CTNNA3: variants seen among roughly 807,000 people sequenced by gnomAD.
CTNNA3 encodes the protein catenin alpha-3.
CTNNA3 carries 76 observed loss-of-function variants against 95.7 expected under a neutral mutation model. The ratio of observed to expected loss-of-function variants is 0.79; its 90% CI spans 0.66 to 0.96. The LOEUF is 0.96. Among genes scored for constraint, CTNNA3 ranks in the 40% least tolerant of loss-of-function variants. CTNNA3 has a pLI of 0.00. For missense variants in CTNNA3, 1,191 were observed against 1,089.8 expected (o/e 1.09, Z -1.31); for synonymous variants, 431 against 374.4 (o/e 1.15, Z -1.74).
At chr10:67,684,951 T>C (rs1840701817) in intron 1 of CTNNA3, among the ~76,000 whole-genome samples, 1 of 152,204 alleles carries the variant, frequency 6.6e-6, no homozygotes, top group Admixed American at 6.5e-5. Flanking sequence ...CATCTTGTAC[T>C]ATCCCTGACT....
At position 66,926,946 on chromosome 10, in the gene CTNNA3, C is replaced by T. The variant is rs763055807; in HGVS notation, c.1048-151422G>A. ...GTTTCAATGTAATTAGGCTACTGAG[C>T]GGATCAGCTGTAGCACTGGTTATAG... On this transcript the variant is annotated intron_variant, in intron 7 of 17. Coordinates refer to ENST00000433211, the MANE Select transcript of CTNNA3 (RefSeq NM_013266.4). 1.8e-5 allele frequency: 28 copies of T among 1,599,374 alleles called. No homozygotes were observed. The South Asian group carries it at 2.4e-4, about 14-fold the overall frequency.
rs1191269853 is a variant in CTNNA3, at chr10:67,623,978, C to T, written c.100-16929G>A. On this transcript the variant is annotated intron_variant, in intron 2 of 17. Transcript: ENST00000433211. Reference sequence around the variant, plus strand: ...ATTAGATTACAGGCATGCACCACCACGCCTGGCTAATTTTTTGTATTTTTA... The same window carrying T: ...ATTAGATTACAGGCATGCACCACCATGCCTGGCTAATTTTTTGTATTTTTA... Among the ~76,000 whole-genome samples, 5 of 152,070 alleles carry T rather than the reference C, an allele frequency of 3.3e-5. No individual in the cohort carries two copies. In the South Asian group the frequency reaches 8.3e-4, roughly 25 times the overall value.
chr10:65,964,459 G>T, intron 17 of CTNNA3, among the ~76,000 whole-genome samples: 1 of 152,020 alleles, frequency 6.6e-6, no homozygotes, highest in East Asian at 1.9e-4. Context: ...ATTCTAAATA[G>T]CTCCTGCCTA....
intron 12 of CTNNA3, among the ~76,000 whole-genome samples, chr10:66,295,949 T>C (rs991792044): frequency 1.3e-5 from 2 of 152,224 alleles, no homozygotes; most frequent in East Asian, 3.8e-4. Flanking sequence ...AATAACACTT[T>C]TTAGTATTGG....
chr10:66,541,833 T>C lies in CTNNA3; in HGVS notation c.1375-21060A>G, dbSNP rs953022633. ...CTATTAAATAGCTGTTAAAGACTAA[T>C]TTAAGAAACTTCCATATGTCTGTAA... On this transcript the variant is annotated intron_variant, in intron 10 of 17. Transcript: ENST00000433211. Among the ~76,000 whole-genome samples, 49 of 152,156 alleles carry C rather than the reference T, an allele frequency of 3.2e-4. 1 individual carries two copies. The highest frequency in any genetic ancestry group is 1.6e-4 in the Non-Finnish European group (11 of 68,024).
intron 13 of CTNNA3, among the ~76,000 whole-genome samples, chr10:66,247,345 C>T (rs2090374809): frequency 6.6e-6 from 1 of 152,036 alleles, no homozygotes; most frequent in Admixed American, 6.6e-5. Context: ...GCTGGACCTG[C>T]CTGGGGTTTA....
intron 10 of CTNNA3, among the ~76,000 whole-genome samples, chr10:66,530,508 C>G: frequency 6.6e-6 from 1 of 152,100 alleles, no homozygotes; most frequent in East Asian, 1.9e-4. Context: ...TTTACCTGCT[C>G]TCATACTATA....
intron 11 of CTNNA3, among the ~76,000 whole-genome samples, chr10:66,493,238 A>G (rs917987954): frequency 1.4e-4 from 22 of 152,308 alleles, no homozygotes; most frequent in Admixed American, 4.6e-4. Context: ...TTCTTCTTCA[A>G]TTAATAATAA....
chr10:66,435,981 G>A lies in CTNNA3; in HGVS notation c.1532-56629C>T, dbSNP rs112518173. On this transcript the variant is annotated intron_variant, in intron 11 of 17. Transcript: ENST00000433211. ...TTGTTCAGTTTCCATGTAGTTGTGC[G>A]GTTTTGAGTGAGTTTCTTAATCCTG... Among the ~76,000 whole-genome samples, 1,967 of 152,200 alleles carry A rather than the reference G, an allele frequency of 0.013. 176 individuals carry two copies. The East Asian group carries it at 0.24, about 18-fold the overall frequency.
chr10:67,749,925 G>T (rs190086997), intron 1 of CTNNA3, among the ~76,000 whole-genome samples: 2 of 152,172 alleles, frequency 1.3e-5, no homozygotes, highest in African/African-American at 4.8e-5. Flanking sequence ...TGGGCAACCC[G>T]CTTGGGTCCC....
intron 7 of CTNNA3, among the ~76,000 whole-genome samples, chr10:67,085,679 T>A (rs1328204848): frequency 6.6e-6 from 1 of 152,012 alleles, no homozygotes; most frequent in Admixed American, 6.6e-5. Context: ...GCTCATCCCT[T>A]ATTATGATAT....
At chr10:66,225,884 T>C (rs756775162) in intron 13 of CTNNA3, among the ~76,000 whole-genome samples, 6 of 152,104 alleles carry the variant, frequency 3.9e-5, no homozygotes, top group Admixed American at 2.0e-4. Context: ...TTGAGAAATG[T>C]CTATTCAGAT....
chr10:66,864,779 T>G (rs1419991861), intron 7 of CTNNA3, among the ~76,000 whole-genome samples: 1 of 152,152 alleles, frequency 6.6e-6, no homozygotes, highest in Admixed American at 6.5e-5. Context: ...GATGTAGCTT[T>G]TAGATATTTT....
At chr10:66,442,997 C>A (rs2093387119) in intron 11 of CTNNA3, among the ~76,000 whole-genome samples, 1 of 152,194 alleles carries the variant, frequency 6.6e-6, no homozygotes, top group African/African-American at 2.4e-5. Flanking sequence ...AAACAGCACA[C>A]CAGGAGATTA....
intron 7 of CTNNA3, among the ~76,000 whole-genome samples, chr10:66,875,918 T>C (rs1188144501): frequency 1.3e-5 from 2 of 152,168 alleles, no homozygotes; most frequent in Non-Finnish European, 2.9e-5. Context: ...TAGCTGTTTT[T>C]CAGTGTCAGG....
chr10:66,026,927 G>T (rs1435706374), intron 15 of CTNNA3, among the ~76,000 whole-genome samples: 2 of 151,984 alleles, frequency 1.3e-5, no homozygotes, highest in African/African-American at 4.8e-5. Flanking sequence ...ATAAATATTA[G>T]CATTTCTAGG....
chr10:67,726,611 A>AATATGTAATATATATTATATT (rs1841228056), intron 1 of CTNNA3, among the ~76,000 whole-genome samples: 2 of 17,746 alleles, frequency 1.1e-4, no homozygotes, highest in African/African-American at 4.3e-4. Context: ...CATATTATAT[A>AATATGTAATATATATTATATT]ATATATAATA....
At chr10:66,644,499 A>C (rs1197449278) in intron 9 of CTNNA3, among the ~76,000 whole-genome samples, 2 of 149,348 alleles carry the variant, frequency 1.3e-5, no homozygotes, top group Non-Finnish European at 3.0e-5. Flanking sequence ...ACACACATAC[A>C]CAATATATTA....
chr10:66,702,119 T>C (rs535669675), intron 9 of CTNNA3, among the ~76,000 whole-genome samples: 1 of 152,066 alleles, frequency 6.6e-6, no homozygotes, highest in South Asian at 2.1e-4. Flanking sequence ...GTAAAAAATA[T>C]GGCATGCCAT....
Sources: gnomAD v4.1 joint callset for allele counts (sites outside exome capture counted in the v4.1 genomes callset) on GRCh38, gnomAD v4.1.1 for gene constraint, MANE v1.5 for transcripts, NCBI Gene and HGNC (gene_info 2026-07-23, HGNC 2026-07-21) for gene names.